The following ZNF114 variants were observed in gnomAD, a reference collection of about 807,000 sequenced individuals.
ZNF114 encodes the protein zinc finger protein 114.
Under a neutral mutation model 6.8 loss-of-function variants are expected in ZNF114, and 8 were observed. The observed-to-expected ratio is 1.18, with a 90% CI of 0.69 to 2.13. ZNF114 has a LOEUF of 2.13. Among genes scored for constraint, ZNF114 ranks in the 30% most tolerant of loss-of-function variants. The pLI, the probability that ZNF114 is intolerant of heterozygous loss-of-function variation, is 0.00. For synonymous variants in ZNF114, 169 were observed against 185.5 expected (o/e 0.91, Z 0.72); for missense variants, 472 against 519.5 (o/e 0.91, Z 0.89).
intron 5 of ZNF114, among the ~76,000 whole-genome samples, chr19:48,283,679 G>A (rs550212024): frequency 9.9e-5 from 15 of 152,028 alleles, no homozygotes; most frequent in South Asian, 2.1e-4. Context: ...GGTGCCAACC[G>A]AGGAGATGGG....
rs1472746519 is a variant in ZNF114, at chr19:48,286,378, C to G, written c.754C>G (p.Gln252Glu). The G allele has an allele frequency of 3.1e-6, 5 of 1,614,194 alleles. No individual in the cohort carries two copies. Among genetic ancestry groups the G allele is most frequent in the Non-Finnish European group, 4.2e-6 (5 of 1,180,048 alleles). The change falls in exon 6 of 6, where the codon CAG (glutamine) becomes GAG (glutamate). Residue 252 changes from glutamine (Q) to glutamate (E), a missense_variant. By Grantham distance (29) the Gln-to-Glu change is conservative (BLOSUM62 2). Transcript: ENST00000595607. ...TCGAGAGAAAATGTATGATTTTACT[C>G]AGTGCGAGAACACCTCCAGAAATAA... ...HGREKMYDFT[Q>E]CENTSRNNSI...
intron 3 of ZNF114, among the ~76,000 whole-genome samples, chr19:48,277,794 G>GGGGGGTGTGTGTGTGTGTGTGTGT (rs1330052475): frequency 7.3e-4 from 87 of 119,402 alleles, no homozygotes; most frequent in South Asian, 1.6e-3. Context: ...GGAGGCATTG[G>GGGGGGTGTGTGTGTGTGTGTGTGT]GTGTGTGTGT....
chr19:48,286,340 A>G lies in ZNF114; in HGVS notation c.716A>G (p.His239Arg). 1 of 1,614,242 alleles carries G rather than the reference A, an allele frequency of 6.2e-7. No homozygotes were observed. Among genetic ancestry groups the G allele is most frequent in the Non-Finnish European group, 8.5e-7 (1 of 1,180,056 alleles). Residue 239 changes from histidine to arginine, a missense_variant, in exon 6 of 6, where the codon CAC becomes CGC. His to Arg is a conservative substitution (Grantham distance 29). Transcript: ENST00000595607. ...AFREDGSLRA[H>R]NTHGREKMYD... is the part of the protein sequence containing the mutation. The stretch of plus-strand genomic sequence containing the variant: ...CGTGAAGACGGATCCCTTAGGGCAC[A>G]CAACACTCATGGTCGAGAGAAAATG...
chr19:48,270,761 GAGAAAGAA>G lies in ZNF114; in HGVS notation c.-376-466_-376-459del, dbSNP rs142099276. 1.8e-3 allele frequency among the ~76,000 whole-genome samples: 263 copies of G among 149,890 alleles called. 4 individuals are homozygous for G. Among genetic ancestry groups the G allele is most frequent in the African/African-American group, 3.3e-3 (133 of 40,796 alleles). ...AGGGAAAGAAAGAAAAGAGAAAAAA[GAGAAAGAA>G]AGAAAGAAAGAAAGAAAAGAAAAGA... On this transcript the variant is annotated intron_variant, in intron 1 of 5. Coordinates refer to ENST00000595607, the MANE Select transcript of ZNF114 (RefSeq NM_153608.4).
intron 3 of ZNF114, among the ~76,000 whole-genome samples, chr19:48,276,768 C>T (rs1243860335): frequency 6.6e-6 from 1 of 152,224 alleles, no homozygotes; most frequent in Non-Finnish European, 1.5e-5. Flanking sequence ...AAGTGATCCT[C>T]CTGCCTCAGC....
intron 3 of ZNF114, among the ~76,000 whole-genome samples, chr19:48,278,928 G>A (rs1372836538): frequency 6.7e-6 from 1 of 148,554 alleles, no homozygotes; most frequent in African/African-American, 2.5e-5. Flanking sequence ...GGGCAACAGA[G>A]TGAGACTCCG....
intron 3 of ZNF114, among the ~76,000 whole-genome samples, chr19:48,277,794 G>GGTGTGTGTGTGTGT (rs749201884): frequency 0.095 from 11,347 of 119,112 alleles, 676 homozygotes; most frequent in Non-Finnish European, 0.1. Flanking sequence ...GGAGGCATTG[G>GGTGTGTGTGTGTGT]GTGTGTGTGT....
intron 5 of ZNF114, among the ~76,000 whole-genome samples, chr19:48,283,511 C>T (rs1008518788): frequency 6.6e-6 from 1 of 152,064 alleles, no homozygotes; most frequent in African/African-American, 2.4e-5. Flanking sequence ...CAGTGCAGGG[C>T]AGTTTTGTCC....
chr19:48,275,913 C>T (rs1177728416), intron 3 of ZNF114, among the ~76,000 whole-genome samples: 18 of 147,816 alleles, frequency 1.2e-4, no homozygotes, highest in African/African-American at 4.5e-4. Flanking sequence ...ACCCGGGAGG[C>T]AGAGCTTGCA....
chr19:48,272,683 A>AAAAAAAAAAAAAAAAG, intron 3 of ZNF114, among the ~76,000 whole-genome samples: 1 of 142,686 alleles, frequency 7.0e-6, no homozygotes, highest in Non-Finnish European at 1.5e-5. Context: ...CAAAAAAAAA[A>AAAAAAAAAAAAAAAAG]AAAAAAAAAA....
At chr19:48,274,882 C>T (rs998281789) in intron 3 of ZNF114, among the ~76,000 whole-genome samples, 7 of 152,094 alleles carry the variant, frequency 4.6e-5, no homozygotes, top group African/African-American at 9.7e-5. Context: ...CTCGAACTTG[C>T]CTCCCTTTGT....
At chr19:48,283,401 C>T (rs935076840) in intron 5 of ZNF114, among the ~76,000 whole-genome samples, 7 of 152,126 alleles carry the variant, frequency 4.6e-5, no homozygotes, top group Admixed American at 1.3e-4. Context: ...CAGAAAGTCT[C>T]GGCACAGTTC....
intron 5 of ZNF114, among the ~76,000 whole-genome samples, chr19:48,282,918 G>T (rs542726998): frequency 6.6e-6 from 1 of 151,914 alleles, no homozygotes; most frequent in Non-Finnish European, 1.5e-5. Context: ...ATTTCACCAC[G>T]TTGGCTAGGC....
intron 3 of ZNF114, among the ~76,000 whole-genome samples, chr19:48,272,362 A>C (rs961963815): frequency 4.0e-5 from 6 of 151,516 alleles, no homozygotes; most frequent in Non-Finnish European, 7.4e-5. Context: ...CAGTGAGCCG[A>C]AATCGAGCCA....
Position 48,286,669 on chromosome 19 carries a change from A to G in ZNF114, c.1045A>G (p.Lys349Glu), listed in dbSNP as rs772467285. The change falls in exon 6 of 6, where the codon AAA (lysine) becomes GAA (glutamate). Residue 349 changes from lysine (K) to glutamate (E), a missense_variant. Lys to Glu is a moderately conservative substitution (Grantham distance 56, BLOSUM62 1). Transcript: ENST00000595607. ...KAFRYSLHLNKHLRKHVVQKK... is the reference protein window; with the variant it reads ...KAFRYSLHLNEHLRKHVVQKK... Reference sequence around the variant, plus strand: ...CTTTAGATATTCCTTACACCTTAATAAACATTTAAGAAAGCATGTTGTGCA... The same window carrying G: ...CTTTAGATATTCCTTACACCTTAATGAACATTTAAGAAAGCATGTTGTGCA... The G allele has an allele frequency of 5.6e-6, 9 of 1,612,792 alleles. No individual in the cohort carries two copies. The highest frequency in any genetic ancestry group is 7.6e-6 in the Non-Finnish European group (9 of 1,179,696).
chr19:48,275,598 A>G (rs1414600592), intron 3 of ZNF114, among the ~76,000 whole-genome samples: 1 of 152,102 alleles, frequency 6.6e-6, no homozygotes, highest in Non-Finnish European at 1.5e-5. Context: ...TGATAGAGCG[A>G]GACCTTGTCT....
At chr19:48,274,663 T>C (rs1012130318) in intron 3 of ZNF114, among the ~76,000 whole-genome samples, 4 of 151,814 alleles carry the variant, frequency 2.6e-5, no homozygotes, top group African/African-American at 7.3e-5. Context: ...TGTGCCACCA[T>C]GCCGGGCTAA....
At chr19:48,273,930 T>C (rs916607273) in intron 3 of ZNF114, among the ~76,000 whole-genome samples, 1 of 151,788 alleles carries the variant, frequency 6.6e-6, no homozygotes, top group Non-Finnish European at 1.5e-5. Flanking sequence ...GCTAATTTTT[T>C]GTATTTTTAG....
At chr19:48,271,082 A>AAAGGAAGG (rs1243756765) in intron 1 of ZNF114, 163 bp from the exon 2 acceptor site, 1 of 151,964 alleles carries the variant, frequency 6.6e-6, no homozygotes, top group Non-Finnish European at 1.5e-5. Flanking sequence ...GAAAGAAAAG[A>AAAGGAAGG]AAGGAAGGAA....
Sources: gnomAD v4.1 joint callset for allele counts (sites outside exome capture counted in the v4.1 genomes callset) on GRCh38, gnomAD v4.1.1 for gene constraint, MANE v1.5 for transcripts, NCBI Gene and HGNC (gene_info 2026-07-23, HGNC 2026-07-21) for gene names.